The following EPB41L4A variants were observed in gnomAD, a reference collection of about 807,000 sequenced individuals.
EPB41L4A encodes the protein band 4.1-like protein 4A.
In EPB41L4A, 100 loss-of-function variants were observed where a neutral mutation model predicts 108.6. That is an observed-to-expected ratio of 0.92 (90% CI 0.78 to 1.09). The LOEUF is 1.09. EPB41L4A is among the 50% of genes least tolerant of loss of function. The pLI is 0.00. For missense variants in EPB41L4A, 1,030 were observed against 842.7 expected, an observed-to-expected ratio of 1.22 and a Z score of -2.75; for synonymous variants, 319 against 289.0, an observed-to-expected ratio of 1.10 and a Z score of -1.05.
chr5:112,218,737 T>C (rs971126150), intron 12 of EPB41L4A, among the ~76,000 whole-genome samples: 31 of 152,314 alleles, frequency 2.0e-4, no homozygotes, highest in Middle Eastern at 3.4e-3. Context: ...TAAGGCAAAA[T>C]TGGGAAGTTT....
intron 12 of EPB41L4A, among the ~76,000 whole-genome samples, chr5:112,230,502 CAT>C (rs1237976191): frequency 3.3e-5 from 5 of 152,096 alleles, no homozygotes; most frequent in African/African-American, 1.2e-4. Flanking sequence ...CATGTTTTCA[CAT>C]GTTTGTTGGC....
intron 12 of EPB41L4A, among the ~76,000 whole-genome samples, chr5:112,231,188 A>G (rs1027382177): frequency 7.2e-5 from 11 of 152,352 alleles, no homozygotes; most frequent in South Asian, 6.2e-4. Flanking sequence ...TCACATCTCT[A>G]TATCTATACA....
chr5:112,385,938 T>C (rs1434673108), intron 1 of EPB41L4A, among the ~76,000 whole-genome samples: 2 of 152,232 alleles, frequency 1.3e-5, no homozygotes, highest in African/African-American at 4.8e-5. Flanking sequence ...CCTCTAAGGT[T>C]TACTGTTTCA....
At chr5:112,214,973 A>C (rs1747511242) in intron 12 of EPB41L4A, among the ~76,000 whole-genome samples, 1 of 152,210 alleles carries the variant, frequency 6.6e-6, no homozygotes. Context: ...AAACTTCATA[A>C]GGCCTCAAAA....
Position 112,275,394 on chromosome 5 carries a change from T to C in EPB41L4A, c.267A>G (p.Pro89=), listed in dbSNP as rs1580587839. ...EHKELINTGP[P]YTLYFGIKFY... is the part of the protein sequence containing the mutation. The stretch of plus-strand genomic sequence containing the variant: ...ATTTAATACCAAAATACAAAGTATA[T>C]GGAGGTCCAGCTAAAATAAGAAATA... Residue 89 remains proline (P), a synonymous_variant, in exon 4 of 23, where the codon CCA becomes CCG. Coordinates refer to ENST00000261486, the MANE Select transcript of EPB41L4A (RefSeq NM_022140.5). 3 of 1,539,764 alleles carry C rather than the reference T, an allele frequency of 1.9e-6. No homozygotes were observed. Among genetic ancestry groups the C allele is most frequent in the South Asian group, 1.2e-5 (1 of 81,898 alleles).
chr5:112,409,290 G>C (rs1391746457), intron 1 of EPB41L4A, among the ~76,000 whole-genome samples: 1 of 152,084 alleles, frequency 6.6e-6, no homozygotes, highest in Non-Finnish European at 1.5e-5. Flanking sequence ...CAAAACTATA[G>C]AGACAGAAAG....
chr5:112,398,020 C>T (rs571594413), intron 1 of EPB41L4A, among the ~76,000 whole-genome samples: 2 of 152,274 alleles, frequency 1.3e-5, no homozygotes, highest in African/African-American at 4.8e-5. Flanking sequence ...AGGCTGGAGA[C>T]AATTGTAAGC....
At chr5:112,315,252 G>C (rs191657240) in intron 1 of EPB41L4A, among the ~76,000 whole-genome samples, 33 of 152,216 alleles carry the variant, frequency 2.2e-4, no homozygotes, top group Non-Finnish European at 3.8e-4. Context: ...ATTTTTGCCT[G>C]TCTCTGATAC....
chr5:112,316,540 G>C (rs1755441717), intron 1 of EPB41L4A, among the ~76,000 whole-genome samples: 1 of 152,072 alleles, frequency 6.6e-6, no homozygotes, highest in Non-Finnish European at 1.5e-5. Flanking sequence ...TTATGTCTAA[G>C]AGTTACCCTC....
intron 12 of EPB41L4A, among the ~76,000 whole-genome samples, chr5:112,149,616 G>A (rs947685448): frequency 3.3e-5 from 5 of 152,104 alleles, no homozygotes; most frequent in African/African-American, 1.2e-4. Context: ...AGTTTTTCAA[G>A]GAACAAATTG....
intron 1 of EPB41L4A, among the ~76,000 whole-genome samples, chr5:112,395,887 C>T (rs1761301887): frequency 6.6e-6 from 1 of 152,154 alleles, no homozygotes. Context: ...AAATGTGGCA[C>T]ATTATACACC....
At chr5:112,214,297 A>T (rs1297719739) in intron 12 of EPB41L4A, among the ~76,000 whole-genome samples, 2 of 152,250 alleles carry the variant, frequency 1.3e-5, no homozygotes, top group East Asian at 1.9e-4. Flanking sequence ...ATTAACCAAT[A>T]ACAAGGGAAT....
At chr5:112,360,668 A>G (rs1758669462) in intron 1 of EPB41L4A, among the ~76,000 whole-genome samples, 1 of 152,198 alleles carries the variant, frequency 6.6e-6, no homozygotes, top group Admixed American at 6.5e-5. Flanking sequence ...CAAAGTGCCG[A>G]GAATGCAGCC....
intron 1 of EPB41L4A, among the ~76,000 whole-genome samples, chr5:112,395,840 C>G (rs1424580478): frequency 6.6e-6 from 1 of 152,136 alleles, no homozygotes; most frequent in Non-Finnish European, 1.5e-5. Flanking sequence ...GACTTGGAAC[C>G]AACCCAAATG....
In EPB41L4A at chr5:112,286,008, T is replaced by C. The variant is rs1016093423; in HGVS notation, c.205-5685A>G. On this transcript the variant is annotated intron_variant, in intron 2 of 22. Coordinates refer to ENST00000261486, the MANE Select transcript of EPB41L4A (RefSeq NM_022140.5). ...ATCTTACACTCGGGCCAAGCTACTTTCTAAAATATTGTCTGAGAAGTAATG... is the reference window on the plus strand; with the variant it reads ...ATCTTACACTCGGGCCAAGCTACTTCCTAAAATATTGTCTGAGAAGTAATG... 2.6e-5 allele frequency among the ~76,000 whole-genome samples: 4 copies of C among 152,258 alleles called. No individual in the cohort carries two copies. The South Asian group carries it at 8.3e-4, about 32-fold the overall frequency.
In EPB41L4A at chr5:112,232,128, A is replaced by AAG. The variant is rs1170094950; in HGVS notation, c.1087+2504_1087+2505dup. The stretch of plus-strand genomic sequence containing the variant: ...AACCTTGTCTCAAAAAAAAAAAAAA[A>AAG]AGAGAGAGAGAGAGAGAGAGAGATC... On this transcript the variant is annotated intron_variant, in intron 12 of 22. Transcript: ENST00000261486. 5.0e-3 allele frequency among the ~76,000 whole-genome samples: 732 copies of AAG among 145,336 alleles called. 9 individuals are homozygous for AAG. Among genetic ancestry groups the AAG allele is most frequent in the East Asian group, 0.022 (109 of 4,936 alleles).
At chr5:112,346,970 G>T (rs557483486) in intron 1 of EPB41L4A, among the ~76,000 whole-genome samples, 7 of 152,096 alleles carry the variant, frequency 4.6e-5, no homozygotes, top group Non-Finnish European at 8.8e-5. Context: ...CCAATATTTA[G>T]CATTTTGACA....
intron 7 of EPB41L4A, among the ~76,000 whole-genome samples, chr5:112,260,523 C>A (rs1167198278): frequency 6.6e-6 from 1 of 152,156 alleles, no homozygotes; most frequent in East Asian, 1.9e-4. Flanking sequence ...CATCCCCACC[C>A]CAACTCTCTC....
intron 1 of EPB41L4A, among the ~76,000 whole-genome samples, chr5:112,341,795 G>A (rs1320534832): frequency 6.6e-6 from 1 of 151,544 alleles, no homozygotes; most frequent in Non-Finnish European, 1.5e-5. Flanking sequence ...CACCCCAAAA[G>A]TTGTATTGTT....
Sources: allele counts gnomAD v4.1 joint callset (sites outside exome capture counted in the v4.1 genomes callset), GRCh38; gene constraint gnomAD v4.1.1; transcripts MANE v1.5; gene names NCBI Gene and HGNC (gene_info 2026-07-23, HGNC 2026-07-21).